The following BCKDHB variants were observed in gnomAD, a reference collection of about 807,000 sequenced individuals.
The protein encoded by BCKDHB is 2-oxoisovalerate dehydrogenase subunit beta, mitochondrial.
A neutral mutation model predicts 48.5 loss-of-function variants in BCKDHB; 41 were observed. The observed-to-expected ratio is 0.85, with a 90% confidence interval of 0.66 to 1.10. The LOEUF is 1.10. Among genes scored for constraint, BCKDHB ranks in the 50% least tolerant of loss-of-function variants. The pLI is 0.00. For synonymous variants in BCKDHB, 201 were observed against 174.8 expected (o/e 1.15, Z -1.18); for missense variants, 496 against 494.2 (o/e 1.00, Z -0.03).
Position 80,345,627 on chromosome 6 carries a change from T to A in BCKDHB, c.*1823T>A, listed in dbSNP as rs752084456. ...CGGTGTAGATGCTATATTTCTGATGTCTTCTTAATGTCTGTGAAAGCAACT... is the reference window on the plus strand; with the variant it reads ...CGGTGTAGATGCTATATTTCTGATGACTTCTTAATGTCTGTGAAAGCAACT... On this transcript the variant is annotated 3_prime_UTR_variant, in exon 10 of 10. Transcript: ENST00000320393. 1 of 151,664 alleles carries A rather than the reference T, an allele frequency of 6.6e-6. No individual in the cohort carries two copies. The highest frequency in any genetic ancestry group is 1.5e-5 in the Non-Finnish European group (1 of 67,876). 9.4% of individuals were successfully genotyped at this position (151,664 alleles called of 1,614,324 possible).
intron 3 of BCKDHB, among the ~76,000 whole-genome samples, chr6:80,140,753 G>C (rs1390336192): frequency 6.6e-6 from 1 of 152,134 alleles, no homozygotes; most frequent in East Asian, 1.9e-4. Context: ...AAGGATATTG[G>C]TCTAAAATTC....
intron 3 of BCKDHB, among the ~76,000 whole-genome samples, chr6:80,135,647 A>G (rs947646989): frequency 9.9e-5 from 15 of 152,280 alleles, no homozygotes; most frequent in African/African-American, 3.4e-4. Flanking sequence ...TTTTTCACAA[A>G]CATTAATTTA....
intron 8 of BCKDHB, among the ~76,000 whole-genome samples, chr6:80,258,192 A>G (rs1777138992): frequency 6.6e-6 from 1 of 152,186 alleles, no homozygotes; most frequent in Non-Finnish European, 1.5e-5. Context: ...AAAACAAAAC[A>G]CAGTGATTGA....
chr6:80,354,400 T>C, the BCKDHB span, among the ~76,000 whole-genome samples: 22 of 152,138 alleles, frequency 1.4e-4, no homozygotes, highest in South Asian at 4.1e-4. Context: ...GCTAATTTTT[T>C]TGTATTTTAG....
the BCKDHB span, among the ~76,000 whole-genome samples, chr6:80,391,199 C>G: frequency 1.7e-4 from 9 of 52,442 alleles, no homozygotes; most frequent in South Asian, 2.2e-3. Context: ...GTGTGTGTGT[C>G]TCCTATTAGT....
intron 9 of BCKDHB, among the ~76,000 whole-genome samples, chr6:80,279,492 C>G (rs1477511634): frequency 6.6e-6 from 1 of 152,000 alleles, no homozygotes; most frequent in Non-Finnish European, 1.5e-5. Context: ...AGCTGTTCAC[C>G]TCTCGTCTAA....
chr6:80,321,756 T>C (rs1282230805), intron 9 of BCKDHB, among the ~76,000 whole-genome samples: 1 of 152,216 alleles, frequency 6.6e-6, no homozygotes, highest in Non-Finnish European at 1.5e-5. Flanking sequence ...TTGGGAACTA[T>C]AAAATATTCA....
At chr6:80,378,395 G>T in the BCKDHB span, among the ~76,000 whole-genome samples, 1 of 152,056 alleles carries the variant, frequency 6.6e-6, no homozygotes, top group African/African-American at 2.4e-5. Flanking sequence ...CATCTAGGTT[G>T]CTGCAAAGAC....
At chr6:80,312,265 G>C (rs6904257) in intron 9 of BCKDHB, among the ~76,000 whole-genome samples, 139,517 of 152,268 alleles carry the variant, frequency 0.92, 64,001 homozygotes, top group East Asian at 0.99. Context: ...GTAATTTTTG[G>C]GCATTGATTC....
chr6:80,122,944 C>G (rs1275273721), intron 1 of BCKDHB, among the ~76,000 whole-genome samples: 1 of 151,958 alleles, frequency 6.6e-6, no homozygotes, highest in Non-Finnish European at 1.5e-5. Flanking sequence ...GCTCCCAGAG[C>G]GGATGTTTAT....
At chr6:80,246,161 A>G (rs1776603596) in intron 8 of BCKDHB, among the ~76,000 whole-genome samples, 2 of 152,198 alleles carry the variant, frequency 1.3e-5, no homozygotes, top group Admixed American at 1.3e-4. Flanking sequence ...TTGATATTGT[A>G]ATAATTTATG....
chr6:80,466,534 A>G, the BCKDHB span, among the ~76,000 whole-genome samples: 6 of 152,196 alleles, frequency 3.9e-5, no homozygotes, highest in Non-Finnish European at 5.9e-5. Flanking sequence ...ATATATAACT[A>G]TGTTAGGTGA....
intron 6 of BCKDHB, among the ~76,000 whole-genome samples, chr6:80,180,105 T>C (rs1263158891): frequency 6.6e-6 from 1 of 152,218 alleles, no homozygotes; most frequent in Admixed American, 6.5e-5. Context: ...TTTCTTTCAA[T>C]TCAACCATTA....
chr6:80,449,663 A>G, the BCKDHB span, among the ~76,000 whole-genome samples: 31 of 152,328 alleles, frequency 2.0e-4, no homozygotes, highest in East Asian at 4.4e-3. Flanking sequence ...TTCAAATTAC[A>G]TCATATCGAG....
At chr6:80,214,112 G>A (rs184707860) in intron 8 of BCKDHB, among the ~76,000 whole-genome samples, 571 of 152,260 alleles carry the variant, frequency 3.8e-3, no homozygotes, top group African/African-American at 0.013. Flanking sequence ...CAGAGTTAGT[G>A]GGAATGGAGA....
intron 8 of BCKDHB, among the ~76,000 whole-genome samples, chr6:80,239,179 G>A (rs1214970025): frequency 6.6e-6 from 1 of 152,180 alleles, no homozygotes; most frequent in Non-Finnish European, 1.5e-5. Context: ...TCACCACACT[G>A]TCTTCTACAA....
At chr6:80,261,349 A>G (rs1434770186) in intron 8 of BCKDHB, among the ~76,000 whole-genome samples, 1 of 152,058 alleles carries the variant, frequency 6.6e-6, no homozygotes, top group East Asian at 1.9e-4. Flanking sequence ...GTCAGAAGGG[A>G]TGGAGACAAC....
chr6:80,207,971 C>G (rs926029163), intron 8 of BCKDHB, among the ~76,000 whole-genome samples: 3 of 151,746 alleles, frequency 2.0e-5, no homozygotes, highest in African/African-American at 4.8e-5. Flanking sequence ...GACAAAATCT[C>G]GTGAAGTGTA....
At chr6:80,185,364 C>T (rs1773592822) in intron 6 of BCKDHB, among the ~76,000 whole-genome samples, 1 of 151,684 alleles carries the variant, frequency 6.6e-6, no homozygotes, top group Admixed American at 6.6e-5. Context: ...GTTTTTCTAC[C>T]TTTTCTGGTA....
Sources: gnomAD v4.1 joint callset for allele counts (sites outside exome capture counted in the v4.1 genomes callset) on GRCh38, gnomAD v4.1.1 for gene constraint, MANE v1.5 for transcripts, NCBI Gene and HGNC (gene_info 2026-07-23, HGNC 2026-07-21) for gene names.